The following CFAP47 variants were observed in gnomAD, a reference collection of about 807,000 sequenced individuals.
The protein encoded by CFAP47 is cilia- and flagella-associated protein 47.
CFAP47 carries 29 observed loss-of-function variants against 148.1 expected under a neutral mutation model. The ratio of observed to expected loss-of-function variants is 0.20; its 90% CI spans 0.15 to 0.27. The LOEUF (loss-of-function observed/expected upper bound fraction) is 0.27. Among genes scored for constraint, CFAP47 ranks in the 10% least tolerant of loss-of-function variants. The pLI is 1.00. For missense variants in CFAP47, 1,872 were observed against 1,697.5 expected (o/e 1.10, Z -1.81); for synonymous variants, 664 against 577.3 (o/e 1.15, Z -2.15).
At chrX:36,330,961 A>G (rs1556013943) in intron 57 of CFAP47, among the ~76,000 whole-genome samples, 2 of 111,457 alleles carry the variant, frequency 1.8e-5, no homozygotes, top group African/African-American at 3.3e-5. Context: ...GCAAGTTACA[A>G]TATCAATATA....
At chrX:36,314,502 A>G (rs1941417793) in intron 56 of CFAP47, among the ~76,000 whole-genome samples, 1 of 111,645 alleles carries the variant, frequency 9.0e-6, no homozygotes, top group South Asian at 3.7e-4. Flanking sequence ...TGGTTTGAAC[A>G]CTTGGCAACC....
chrX:36,174,372 G>A (rs1356740853), intron 39 of CFAP47, among the ~76,000 whole-genome samples: 2 of 109,376 alleles, frequency 1.8e-5, no homozygotes, highest in African/African-American at 6.6e-5. Context: ...TTGCTCGTTA[G>A]TTGATGCAGT....
At chrX:36,343,783 A>G (rs1230000698) in intron 57 of CFAP47, among the ~76,000 whole-genome samples, 1 of 111,021 alleles carries the variant, frequency 9.0e-6, no homozygotes, top group East Asian at 2.8e-4. Flanking sequence ...AGAAAATAAA[A>G]CTAATTTGTC....
chrX:36,180,576 A>G (rs1477295680), intron 40 of CFAP47, among the ~76,000 whole-genome samples: 4 of 112,318 alleles, frequency 3.6e-5, no homozygotes, highest in Non-Finnish European at 7.5e-5. Context: ...AAGTGCTTGT[A>G]CAGATCTTGC....
At position 36,071,878 on chromosome X, in the gene CFAP47, G is replaced by T. The variant is rs775984781; in HGVS notation, c.4372G>T (p.Asp1458Tyr). The T allele has an allele frequency of 8.3e-7, 1 of 1,202,296 alleles. No individual in the cohort carries two copies. The highest frequency in any genetic ancestry group is 1.8e-5 in the African/African-American group (1 of 56,915). Residue 1458 changes from aspartate (D) to tyrosine (Y), a missense_variant, in exon 28 of 64, where the codon GAT (aspartate) becomes TAT (tyrosine). Physicochemically the swap from Asp to Tyr is radical, Grantham distance 160. Transcript: ENST00000378653. The stretch of plus-strand genomic sequence containing the variant: ...AGATGGTGTTTTGCCTCCCTACCAG[G>T]ATGCTAAACCACCCTCTCCTGCTTC... ...TRDGVLPPYQ[D>Y]AKPPSPASIK...
Position 36,047,045 on chromosome X carries a change from G to A in CFAP47, c.4199G>A (p.Cys1400Tyr). ...TCATTTTTTACCAATCTTCTTTTCTGTGATGACAGAAAAAACTGGTAAGAT... is the reference window on the plus strand; with the variant it reads ...TCATTTTTTACCAATCTTCTTTTCTATGATGACAGAAAAAACTGGTAAGAT... ...PVSFFTNLLF[C>Y]DDRKNWFSLP... Residue 1400 changes from cysteine (C) to tyrosine (Y), a missense_variant, in exon 26 of 64, where the codon TGT (cysteine) becomes TAT (tyrosine). Physicochemically the swap from Cys to Tyr is radical, Grantham distance 194 (BLOSUM62 -2). Coordinates refer to ENST00000378653, the MANE Select transcript of CFAP47 (RefSeq NM_001304548.2). The A allele has an allele frequency of 8.7e-7, 1 of 1,149,191 alleles. No homozygotes were observed. Among genetic ancestry groups the A allele is most frequent in the Non-Finnish European group, 1.2e-6 (1 of 857,954 alleles). The allele number at this position is 1,149,191 out of a possible 1,213,427, so 94.7% of individuals were successfully genotyped here.
intron 34 of CFAP47, 122 bp downstream of exon 34, chrX:36,138,177 G>C (rs990278456): frequency 2.0e-5 from 11 of 551,319 alleles, no homozygotes; most frequent in Non-Finnish European, 3.0e-5. Flanking sequence ...TCAAACACCT[G>C]AATCTGCATG....
chrX:36,146,849 C>A (rs1011202206), intron 36 of CFAP47, among the ~76,000 whole-genome samples: 1 of 103,484 alleles, frequency 9.7e-6, no homozygotes, highest in Non-Finnish European at 2.0e-5. Flanking sequence ...GGCACGATCT[C>A]GGCTCACTGC....
At chrX:36,225,094 A>G (rs905564560) in intron 45 of CFAP47, among the ~76,000 whole-genome samples, 1 of 111,486 alleles carries the variant, frequency 9.0e-6, no homozygotes, top group Non-Finnish European at 1.9e-5. Flanking sequence ...ATCTTTAAAT[A>G]TAGAATCTTG....
intron 25 of CFAP47, among the ~76,000 whole-genome samples, 187 bp from the exon 26 acceptor site, chrX:36,046,667 A>G (rs187355711): frequency 8.1e-4 from 91 of 111,843 alleles, no homozygotes; most frequent in Non-Finnish European, 1.4e-3. Context: ...GTTCTTAGTT[A>G]TCATCCATCT....
intron 37 of CFAP47, among the ~76,000 whole-genome samples, chrX:36,158,746 A>T (rs1362427943): frequency 9.0e-6 from 1 of 111,444 alleles, no homozygotes; most frequent in East Asian, 2.8e-4. Context: ...TTGCAGGAGG[A>T]TCATGGGGTT....
intron 30 of CFAP47, among the ~76,000 whole-genome samples, chrX:36,094,711 T>C (rs1938243840): frequency 9.0e-6 from 1 of 111,696 alleles, no homozygotes. Context: ...TATTGAATTT[T>C]GTATGTTGAT....
chrX:36,142,752 T>G (rs1939164786), intron 35 of CFAP47, among the ~76,000 whole-genome samples: 1 of 111,541 alleles, frequency 9.0e-6, no homozygotes, highest in Non-Finnish European at 1.9e-5. Context: ...TTGAAATAAT[T>G]TTTATATTGC....
At chrX:36,225,003 T>C (rs782521633) in intron 45 of CFAP47, among the ~76,000 whole-genome samples, 4 of 112,157 alleles carry the variant, frequency 3.6e-5, no homozygotes, top group African/African-American at 9.7e-5. Flanking sequence ...AATGATGTAG[T>C]CTTTACTTCA....
intron 42 of CFAP47, among the ~76,000 whole-genome samples, chrX:36,195,680 C>T (rs781963988): frequency 9.0e-6 from 1 of 111,181 alleles, no homozygotes; most frequent in East Asian, 2.9e-4. Context: ...TCGGCTATTC[C>T]CTCTGTAATT....
At chrX:36,258,024 C>A (rs1291747138) in intron 49 of CFAP47, among the ~76,000 whole-genome samples, 2 of 111,838 alleles carry the variant, frequency 1.8e-5, no homozygotes, top group Non-Finnish European at 3.8e-5. Flanking sequence ...TGTCAAAATT[C>A]AGCTTGTATT....
chrX:35,923,963 ATATGTGTATG>A (rs1935636742), intron 1 of CFAP47, among the ~76,000 whole-genome samples: 1 of 100,592 alleles, frequency 9.9e-6, no homozygotes, highest in African/African-American at 4.0e-5. Context: ...ATATGTACAT[ATATGTGTATG>A]TATGTGTATA....
intron 37 of CFAP47, among the ~76,000 whole-genome samples, chrX:36,151,292 C>T (rs974017437): frequency 2.7e-5 from 3 of 111,814 alleles, no homozygotes; most frequent in Admixed American, 9.5e-5. Flanking sequence ...TTTGTTAGTT[C>T]GTTTCTTTCC....
At chrX:36,302,118 T>A (rs1309492052) in intron 53 of CFAP47, among the ~76,000 whole-genome samples, 1 of 109,690 alleles carries the variant, frequency 9.1e-6, no homozygotes, top group Non-Finnish European at 1.9e-5. Context: ...GGGAAATTGG[T>A]AATATACGAA....
Sources: gnomAD v4.1 joint callset for allele counts (sites outside exome capture counted in the v4.1 genomes callset) on GRCh38, gnomAD v4.1.1 for gene constraint, MANE v1.5 for transcripts, NCBI Gene and HGNC (gene_info 2026-07-23, HGNC 2026-07-21) for gene names.